Variants in PPARG observed in about 807,000 individuals in gnomAD.
PPARG encodes peroxisome proliferator-activated receptor gamma.
Under a neutral mutation model 39.2 loss-of-function variants are expected in PPARG, and 17 were observed. The observed-to-expected ratio is 0.43, with a 90% CI of 0.30 to 0.65. PPARG has a LOEUF of 0.65. Ranked by LOEUF, PPARG falls within the 30% of genes least tolerant of loss-of-function variation. The pLI is 0.13. For synonymous variants in PPARG, 223 were observed against 215.7 expected (o/e 1.03, Z -0.30); for missense variants, 406 against 585.9 (o/e 0.69, Z 3.17).
In PPARG at chr3:12,334,706, C is replaced by T. The variant is rs779596260; in HGVS notation, c.-9+22253C>T. Among the ~76,000 whole-genome samples the T allele has an allele frequency of 9.2e-5, 14 of 152,208 alleles. No homozygotes were observed. The South Asian group carries it at 2.5e-3, about 27-fold the overall frequency. On this transcript the variant is annotated intron_variant, in intron 2 of 7. Transcript: ENST00000651735. The stretch of plus-strand genomic sequence containing the variant: ...GCTCTGTGAACTCTAAAAGACTATA[C>T]AAATATTACTGATTATTTTATACTT...
intron 2 of PPARG, among the ~76,000 whole-genome samples, chr3:12,369,280 C>G (rs1386953681): frequency 6.6e-6 from 1 of 151,982 alleles, no homozygotes; most frequent in Non-Finnish European, 1.5e-5. Flanking sequence ...TCGCTTGAGC[C>G]CAGGAGTTTG....
At chr3:12,364,073 G>A (rs906677237) in intron 2 of PPARG, among the ~76,000 whole-genome samples, 4 of 151,270 alleles carry the variant, frequency 2.6e-5, no homozygotes, top group Non-Finnish European at 4.4e-5. Context: ...ATCACTCAAA[G>A]TCCATAGTCT....
rs534762272 is a variant in PPARG at position 12,330,574 on chromosome 3, A to G, written c.-9+18121A>G. On this transcript the variant is annotated intron_variant, in intron 2 of 7. Coordinates refer to ENST00000651735, the MANE Select transcript of PPARG (RefSeq NM_138711.6). ...AAAGTCAAAAAGATGATTTCATTTG[A>G]ACACAGATAAATGCTGTCAGCCTTC... is the stretch of plus-strand genomic sequence containing the variant. Among the ~76,000 whole-genome samples, 4 of 152,312 alleles carry G rather than the reference A, an allele frequency of 2.6e-5. No homozygotes were observed. The South Asian group carries it at 8.3e-4, about 32-fold the overall frequency.
chr3:12,434,267 T>A lies in PPARG; in HGVS notation c.*122T>A. On this transcript the variant is annotated 3_prime_UTR_variant, in exon 8 of 8. Transcript: ENST00000651735. This position sits in a 1 kb window ranked among gnomAD's most constrained non-coding sequence, Gnocchi z 4.2. Reference sequence around the variant, plus strand: ...TTTAAAAAGAAAAGGTTTTAGAATATGATCTATTTTATGCATATTGTTTAT... The same window carrying A: ...TTTAAAAAGAAAAGGTTTTAGAATAAGATCTATTTTATGCATATTGTTTAT... 7.7e-7 allele frequency: 1 copy of A among 1,295,642 alleles called. No individual in the cohort carries two copies. The highest frequency in any genetic ancestry group is 1.1e-6 in the Non-Finnish European group (1 of 920,310). The allele number at this position is 1,295,642 out of a possible 1,614,324, so 80.3% of individuals were successfully genotyped here.
At chr3:12,370,294 T>C (rs546762040) in intron 2 of PPARG, among the ~76,000 whole-genome samples, 1 of 147,274 alleles carries the variant, frequency 6.8e-6, no homozygotes, top group East Asian at 2.0e-4. Context: ...TCTATGGTAC[T>C]TTTTTTTTTT....
At chr3:12,322,792 TTTTG>T (rs531754367) in intron 2 of PPARG, among the ~76,000 whole-genome samples, 50 of 152,102 alleles carry the variant, frequency 3.3e-4, no homozygotes, top group African/African-American at 4.6e-4. Flanking sequence ...AGTTGGGTTT[TTTTG>T]TTTGTTTGTT....
intron 6 of PPARG, among the ~76,000 whole-genome samples, chr3:12,409,405 G>C (rs1355694065): frequency 2.2e-5 from 3 of 138,118 alleles, no homozygotes; most frequent in African/African-American, 7.6e-5. Context: ...GTTCAGAGAG[G>C]AATATGGGAA....
chr3:12,416,676 A>G, intron 6 of PPARG, 28 bp from the exon 7 acceptor site: 1 of 1,598,898 alleles, frequency 6.3e-7, no homozygotes, highest in African/African-American at 1.3e-5. Flanking sequence ...TCTCCAAGTC[A>G]TCCACGTTTT....
rs543410599 is a variant in PPARG, at chr3:12,320,144, C to A, written c.-9+7691C>A. Among the ~76,000 whole-genome samples, 5 of 152,246 alleles carry A rather than the reference C, an allele frequency of 3.3e-5. No individual in the cohort carries two copies. In the South Asian group the frequency reaches 1.0e-3, roughly 32 times the overall value. ...ATTTTGCAGTAAGGATTGATTGTTT[C>A]CTAGCACGTAGTAACTAACCTGTTT... On this transcript the variant is annotated intron_variant, in intron 2 of 7. Coordinates refer to ENST00000651735, the MANE Select transcript of PPARG (RefSeq NM_138711.6).
At chr3:12,359,947 C>A (rs1320853087) in intron 2 of PPARG, among the ~76,000 whole-genome samples, 1 of 152,062 alleles carries the variant, frequency 6.6e-6, no homozygotes, top group African/African-American at 2.4e-5. Context: ...TGCTGGATTG[C>A]AGATGTGAGC....
At chr3:12,406,530 C>CTGTTTT in intron 6 of PPARG, 1 of 82,514 alleles carries the variant, frequency 1.2e-5, no homozygotes, top group Non-Finnish European at 2.8e-5. Flanking sequence ...CCAGAGTTAC[C>CTGTTTT]TCTTTTTTTT....
intron 5 of PPARG, among the ~76,000 whole-genome samples, chr3:12,404,908 A>C (rs1411144960): frequency 2.6e-5 from 4 of 152,208 alleles, no homozygotes; most frequent in Admixed American, 2.6e-4. Flanking sequence ...GCGCTCGAGG[A>C]GCATATAGTC....
chr3:12,356,273 C>T (rs114563992), intron 2 of PPARG, among the ~76,000 whole-genome samples: 1 of 151,926 alleles, frequency 6.6e-6, no homozygotes, highest in Non-Finnish European at 1.5e-5. Context: ...CAGTTTTGCA[C>T]CTGTAACTAA....
intron 1 of PPARG, among the ~76,000 whole-genome samples, chr3:12,307,380 T>G (rs2047101831): frequency 6.6e-6 from 1 of 152,130 alleles, no homozygotes. Flanking sequence ...TTGTGAGTGT[T>G]CACATACTTC....
At chr3:12,425,657 T>C (rs1331292753) in intron 7 of PPARG, among the ~76,000 whole-genome samples, 5 of 152,034 alleles carry the variant, frequency 3.3e-5, no homozygotes, top group Non-Finnish European at 5.9e-5. Context: ...CCAGCCCCAG[T>C]CAGATTCCTT....
chr3:12,419,422 A>G (rs984232623), intron 7 of PPARG, among the ~76,000 whole-genome samples: 2 of 152,150 alleles, frequency 1.3e-5, no homozygotes, highest in South Asian at 2.1e-4. Flanking sequence ...TTGAAAAACC[A>G]GATTAGAAAA....
chr3:12,344,220 C>A (rs1229881714), intron 2 of PPARG, among the ~76,000 whole-genome samples: 1 of 152,086 alleles, frequency 6.6e-6, no homozygotes, highest in African/African-American at 2.4e-5. Flanking sequence ...CTTAGCACAG[C>A]CCCTGACAGC....
At chr3:12,403,668 T>C (rs2050557833) in intron 5 of PPARG, among the ~76,000 whole-genome samples, 2 of 152,204 alleles carry the variant, frequency 1.3e-5, no homozygotes, top group South Asian at 4.1e-4. Context: ...TATTATTTTT[T>C]ATTGGTTCTT....
At chr3:12,347,273 C>A (rs542281007) in intron 2 of PPARG, among the ~76,000 whole-genome samples, 320 of 151,904 alleles carry the variant, frequency 2.1e-3, no homozygotes, top group African/African-American at 7.0e-3. Context: ...TCACTTGAGC[C>A]CAGGAGTTGG....
Sources: allele counts gnomAD v4.1 joint callset (sites outside exome capture counted in the v4.1 genomes callset), GRCh38; gene constraint gnomAD v4.1.1; non-coding constraint Gnocchi (gnomAD v3.1); transcripts MANE v1.5; gene names NCBI Gene and HGNC (gene_info 2026-07-23, HGNC 2026-07-21).